PSD3: variants seen among roughly 807,000 people sequenced by gnomAD.
PSD3 encodes the protein pleckstrin and Sec7 domain containing 3.
PSD3 carries 49 observed loss-of-function variants against 105.5 expected under a neutral mutation model. The ratio of observed to expected loss-of-function variants is 0.46; its 90% CI spans 0.37 to 0.59. The LOEUF is 0.59. Ranked by LOEUF, PSD3 falls within the 20% of genes least tolerant of loss-of-function variation. PSD3 has a pLI of 0.00. For synonymous variants in PSD3, 557 were observed against 457.8 expected (o/e 1.22, Z -2.77); for missense variants, 1,561 against 1,263.8 (o/e 1.24, Z -3.57).
intron 2 of PSD3, among the ~76,000 whole-genome samples, chr8:18,912,773 C>G (rs1820316816): frequency 6.6e-6 from 1 of 152,162 alleles, no homozygotes; most frequent in Non-Finnish European, 1.5e-5. Flanking sequence ...CCTATTGCTT[C>G]ATCACAAATT....
chr8:18,935,876 T>C (rs1822091184), intron 2 of PSD3, among the ~76,000 whole-genome samples, 158 bp downstream of exon 2: 1 of 152,228 alleles, frequency 6.6e-6, no homozygotes, highest in Admixed American at 6.5e-5. Flanking sequence ...ATGAAATATT[T>C]GCGGATTCTA....
At chr8:18,768,583 G>C (rs941852785) in intron 8 of PSD3, among the ~76,000 whole-genome samples, 1 of 152,126 alleles carries the variant, frequency 6.6e-6, no homozygotes, top group South Asian at 2.1e-4. Flanking sequence ...GGTAACAGAG[G>C]AAGACTTTCA....
At chr8:18,614,995 T>C (rs1161894312) in intron 11 of PSD3, among the ~76,000 whole-genome samples, 1 of 152,174 alleles carries the variant, frequency 6.6e-6, no homozygotes, top group East Asian at 1.9e-4. Flanking sequence ...CTGTTTTTAA[T>C]AATCACTTCA....
intron 9 of PSD3, among the ~76,000 whole-genome samples, chr8:18,760,254 T>C (rs1333640336): frequency 6.6e-6 from 1 of 152,188 alleles, no homozygotes; most frequent in East Asian, 1.9e-4. Flanking sequence ...TCACATACTG[T>C]TTTGTGATGA....
At chr8:18,922,676 C>G (rs1008446158) in intron 2 of PSD3, among the ~76,000 whole-genome samples, 3 of 152,164 alleles carry the variant, frequency 2.0e-5, no homozygotes, top group Admixed American at 6.5e-5. Context: ...AGATGCCCAT[C>G]TAAAGCCGTA....
intron 8 of PSD3, among the ~76,000 whole-genome samples, chr8:18,797,566 G>T (rs975300482): frequency 2.0e-5 from 3 of 152,112 alleles, no homozygotes; most frequent in African/African-American, 7.2e-5. Flanking sequence ...TAGACATCAA[G>T]CATGCTGAGA....
chr8:18,700,658 G>A (rs12542974), intron 9 of PSD3, among the ~76,000 whole-genome samples: 2,623 of 152,204 alleles, frequency 0.017, 85 homozygotes, highest in Admixed American at 0.067. Flanking sequence ...AACACCAATG[G>A]GTTTCACACC....
At chr8:18,666,330 C>T (rs1037436178) in intron 9 of PSD3, among the ~76,000 whole-genome samples, 3 of 152,224 alleles carry the variant, frequency 2.0e-5, no homozygotes, top group African/African-American at 7.2e-5. Context: ...TGATTAAAGG[C>T]GTGAGCCACC....
At chr8:18,678,812 CA>C (rs10708717) in intron 9 of PSD3, among the ~76,000 whole-genome samples, 120,074 of 146,838 alleles carry the variant, frequency 0.82, 52,080 homozygotes, top group South Asian at 0.98. Context: ...AACTCCGTCT[CA>C]AAAAAAAAAA....
chr8:18,998,531 C>CA (rs1826204114), intron 1 of PSD3, among the ~76,000 whole-genome samples: 2 of 151,864 alleles, frequency 1.3e-5, no homozygotes, highest in Non-Finnish European at 2.9e-5. Context: ...ACTAAAAATA[C>CA]GAAAAATTAG....
chr8:18,852,405 AG>A (rs1451277166), intron 4 of PSD3, among the ~76,000 whole-genome samples: 1 of 152,192 alleles, frequency 6.6e-6, no homozygotes, highest in Non-Finnish European at 1.5e-5. Context: ...TGCTGGGCAA[AG>A]GCAACCTGCA....
rs562183871 is a variant in PSD3, at chr8:19,070,610, G to A, written c.324+13596C>T. On this transcript the variant is annotated intron_variant, in intron 1 of 1. Coordinates refer to the PSD3 transcript ENST00000521475. ...GGAGAATCGCTTAAATCTGGGAGGCGGAGGTTGCAGTGAGCTGAGATCGTG... is the reference window on the plus strand; with the variant it reads ...GGAGAATCGCTTAAATCTGGGAGGCAGAGGTTGCAGTGAGCTGAGATCGTG... Among the ~76,000 whole-genome samples, 153 of 152,208 alleles carry A rather than the reference G, an allele frequency of 1.0e-3. 1 individual carries two copies. Among genetic ancestry groups the A allele is most frequent in the African/African-American group, 3.3e-3 (138 of 41,538 alleles).
chr8:18,742,575 G>A (rs1170494615), intron 9 of PSD3, among the ~76,000 whole-genome samples: 1 of 152,126 alleles, frequency 6.6e-6, no homozygotes, highest in Non-Finnish European at 1.5e-5. Flanking sequence ...TAGCTTTTGT[G>A]AAGGTATTAG....
In PSD3 at chr8:18,664,110, A is replaced by G. The variant is rs554232996; in HGVS notation, c.2173-8425T>C. Among the ~76,000 whole-genome samples the G allele has an allele frequency of 3.9e-5, 6 of 152,320 alleles. No individual in the cohort carries two copies. The East Asian group carries it at 1.2e-3, about 29-fold the overall frequency. The stretch of plus-strand genomic sequence containing the variant: ...ATACAACAATACTGAAATTAGACCA[A>G]TTAGTAATCCTGCAATGGTCTCTAA... On this transcript the variant is annotated intron_variant, in intron 9 of 15. Transcript: ENST00000327040.
chr8:18,667,176 A>G (rs1799519865), intron 9 of PSD3, among the ~76,000 whole-genome samples: 1 of 152,102 alleles, frequency 6.6e-6, no homozygotes, highest in Non-Finnish European at 1.5e-5. Context: ...GGCCCCACCC[A>G]CATCCTGCTG....
chr8:18,661,137 C>G (rs1254949584), intron 9 of PSD3, among the ~76,000 whole-genome samples: 3 of 151,956 alleles, frequency 2.0e-5, no homozygotes, highest in African/African-American at 7.3e-5. Context: ...TGATGGAATT[C>G]GTGTATTTTA....
rs151017558 is a variant in PSD3 at position 18,556,305 on chromosome 8, G to A, written c.2832C>T (p.Thr944=). The A allele has an allele frequency of 3.7e-5, 59 of 1,613,944 alleles. No individual in the cohort carries two copies. Among genetic ancestry groups the A allele is most frequent in the Admixed American group, 2.2e-4 (13 of 60,008 alleles). ...SHESKLKQIT[T]ELAEHRSYPP... Reference sequence around the variant, plus strand: ...GATATGAGCGGTGCTCGGCCAGCTCGGTGGTGATCTGCTTCAGCTTACTTT... The same window carrying A: ...GATATGAGCGGTGCTCGGCCAGCTCAGTGGTGATCTGCTTCAGCTTACTTT... Residue 944 remains threonine (T), a synonymous_variant, in exon 15 of 16, where the codon ACC becomes ACT. Coordinates refer to ENST00000327040, the MANE Select transcript of PSD3 (RefSeq NM_015310.4).
rs750855868 is a variant in PSD3 at position 18,872,185 on chromosome 8, C to T, written c.679G>A (p.Ala227Thr). The T allele has an allele frequency of 6.2e-7, 1 of 1,614,200 alleles. No homozygotes were observed. Among genetic ancestry groups the T allele is most frequent in the Non-Finnish European group, 8.5e-7 (1 of 1,180,038 alleles). ...LTALLTGDTQAEISQIMNNGR... is the reference protein window; with the variant it reads ...LTALLTGDTQTEISQIMNNGR... ...TTATTCATTATCTGGGAAATCTCTG[C>T]CTGAGTGTCTCCAGTTAACAGCGCG... is the stretch of plus-strand genomic sequence containing the variant. Residue 227 changes from alanine to threonine, a missense_variant, in exon 3 of 16, where the codon GCA (alanine) becomes ACA (threonine). Transcript: ENST00000327040.
chr8:18,649,810 G>T (rs1339029588), intron 10 of PSD3, among the ~76,000 whole-genome samples: 1 of 152,176 alleles, frequency 6.6e-6, no homozygotes, highest in Non-Finnish European at 1.5e-5. Flanking sequence ...GTTATTGTGA[G>T]ATCTGGTTGT....
Sources: allele counts gnomAD v4.1 joint callset (sites outside exome capture counted in the v4.1 genomes callset), GRCh38; gene constraint gnomAD v4.1.1; transcripts MANE v1.5; gene names NCBI Gene and HGNC (gene_info 2026-07-23, HGNC 2026-07-21).